EXD1: variants seen among roughly 807,000 people sequenced by gnomAD.
EXD1 encodes exonuclease 3'-5' domain containing 1, also known as piRNA biogenesis protein EXD1.
Under a neutral mutation model 49.1 loss-of-function variants are expected in EXD1, and 63 were observed. The ratio of observed to expected loss-of-function variants is 1.28; its 90% CI spans 1.05 to 1.58. The LOEUF (loss-of-function observed/expected upper bound fraction) is 1.58. Ranked by LOEUF, EXD1 falls within the 40% of genes most tolerant of loss-of-function variation. The pLI, the probability that EXD1 is intolerant of heterozygous loss-of-function variation, is 0.00. For missense variants in EXD1, 748 were observed against 666.0 expected, an observed-to-expected ratio of 1.12 and a Z score of -1.36; for synonymous variants, 234 against 239.2, an observed-to-expected ratio of 0.98 and a Z score of 0.20.
At chr15:41,186,470 C>CAAAAAAAAAAAAAAAAAAAAAAAAAA (rs58793050) in intron 11 of EXD1, among the ~76,000 whole-genome samples, 2 of 68,284 alleles carry the variant, frequency 2.9e-5, no homozygotes, top group Non-Finnish European at 5.5e-5. Context: ...GACTCTGTCT[C>CAAAAAAAAAAAAAAAAAAAAAAAAAA]AAAAAAAAAA....
intron 3 of EXD1, among the ~76,000 whole-genome samples, chr15:41,217,874 A>C (rs1189207781): frequency 6.6e-6 from 1 of 152,164 alleles, no homozygotes; most frequent in Non-Finnish European, 1.5e-5. Context: ...CTATGTTTCA[A>C]AAGTCTCTTT....
Position 41,189,877 on chromosome 15 carries a change from T to C in EXD1, c.1056+60A>G, listed in dbSNP as rs1388547756. ...CGCAGCTATGAAGAAAGGGTATCAC[T>C]GTGTCTGCCTTCCTTGAGAAGGCAG... On this transcript the variant is annotated intron_variant, in intron 11 of 11. Transcript: ENST00000458580. 2.0e-5 allele frequency: 31 copies of C among 1,530,572 alleles called. No homozygotes were observed. The African/African-American group carries it at 2.1e-4, about 10-fold the overall frequency. The allele number at this position is 1,530,572 out of a possible 1,614,324, so 94.8% of individuals were successfully genotyped here.
At chr15:41,210,416 G>A (rs1273092912) in intron 6 of EXD1, among the ~76,000 whole-genome samples, 6 of 152,218 alleles carry the variant, frequency 3.9e-5, no homozygotes, top group South Asian at 4.1e-4. Context: ...TAGTGGCTGG[G>A]CGCAGTGGCT....
Position 41,226,648 on chromosome 15 carries a change from A to T in EXD1, c.-53-20T>A. On this transcript the variant is annotated intron_variant, in intron 1 of 11. Transcript: ENST00000458580. ...CAAACACTTGAAAATTAATAAAGAG[A>T]TCTATGAATTTTAAAAGATTTTTTG... 6.8e-7 allele frequency: 1 copy of T among 1,460,152 alleles called. No individual in the cohort carries two copies. The allele number at this position is 1,460,152 out of a possible 1,614,324, so 90.4% of individuals were successfully genotyped here.
chr15:41,203,289 A>C lies in EXD1; in HGVS notation c.534+6212T>G, dbSNP rs960757456. Among the ~76,000 whole-genome samples the C allele has an allele frequency of 1.3e-5, 2 of 152,252 alleles. 1 individual carries two copies. Among genetic ancestry groups the C allele is most frequent in the South Asian group, 4.1e-4 (2 of 4,822 alleles). On this transcript the variant is annotated intron_variant, in intron 7 of 11. Coordinates refer to ENST00000458580, the MANE Select transcript of EXD1 (RefSeq NM_001286441.2). Reference sequence around the variant, plus strand: ...ATTCCTCTCCCACTGAGGACAGATCATGTATTCTCTGGATAAATCTAACCA... The same window carrying C: ...ATTCCTCTCCCACTGAGGACAGATCCTGTATTCTCTGGATAAATCTAACCA...
At chr15:41,206,827 G>A (rs1401300098) in intron 7 of EXD1, among the ~76,000 whole-genome samples, 5 of 140,286 alleles carry the variant, frequency 3.6e-5, no homozygotes, top group African/African-American at 1.3e-4. Flanking sequence ...TCACCACGTT[G>A]GCCAGGCTAG....
At chr15:41,203,390 C>T (rs1211531317) in intron 7 of EXD1, among the ~76,000 whole-genome samples, 1 of 152,172 alleles carries the variant, frequency 6.6e-6, no homozygotes, top group African/African-American at 2.4e-5. Flanking sequence ...TGAAAATCTG[C>T]ACACTGAATT....
chr15:41,223,756 T>C (rs1182410742), intron 2 of EXD1, among the ~76,000 whole-genome samples: 1 of 151,134 alleles, frequency 6.6e-6, no homozygotes, highest in Admixed American at 6.6e-5. Context: ...TCCCAGCTAC[T>C]TGGGAGTCTG....
At chr15:41,200,511 G>A (rs1467963226) in intron 7 of EXD1, among the ~76,000 whole-genome samples, 1 of 152,156 alleles carries the variant, frequency 6.6e-6, no homozygotes, top group Non-Finnish European at 1.5e-5. Context: ...GCAAGAAAGA[G>A]CAAGACTCTG....
At chr15:41,191,630 G>A (rs1469386099) in intron 9 of EXD1, 45 bp from the exon 10 acceptor site, 2 of 1,561,830 alleles carry the variant, frequency 1.3e-6, no homozygotes, top group Non-Finnish European at 1.8e-6. Context: ...AATATATACA[G>A]AGAGCTATCT....
chr15:41,198,837 C>G lies in EXD1; in HGVS notation c.535-2800G>C, dbSNP rs1232546625. The stretch of plus-strand genomic sequence containing the variant: ...TCTCCTGCCTCAGCCTCTCAAGTAG[C>G]TGGGATTACAGGTGCCTGCCACCAC... On this transcript the variant is annotated intron_variant, in intron 7 of 11. Coordinates refer to ENST00000458580, the MANE Select transcript of EXD1 (RefSeq NM_001286441.2). Among the ~76,000 whole-genome samples, 3 of 151,418 alleles carry G rather than the reference C, an allele frequency of 2.0e-5. No individual in the cohort carries two copies. In the Admixed American group the frequency reaches 2.0e-4, roughly 10 times the overall value.
chr15:41,201,909 T>C (rs557165144), intron 7 of EXD1, among the ~76,000 whole-genome samples: 9 of 152,080 alleles, frequency 5.9e-5, no homozygotes, highest in African/African-American at 1.7e-4. Context: ...TCTCAGCATA[T>C]TGGGAGGCTG....
intron 6 of EXD1, among the ~76,000 whole-genome samples, chr15:41,212,237 AAGG>A: frequency 6.6e-6 from 1 of 151,962 alleles, no homozygotes; most frequent in East Asian, 1.9e-4. Context: ...ATCACGAGGT[AAGG>A]AGATCGAGAA....
chr15:41,192,592 GCATTTTTTTTTTTTTTTTTTT>G (rs1171011436), intron 9 of EXD1, among the ~76,000 whole-genome samples: 2 of 86,148 alleles, frequency 2.3e-5, no homozygotes, highest in Admixed American at 1.4e-4. Flanking sequence ...ACTGCGCCAG[GCATTTTTTTTTTTTTTTTTTT>G]TTTTTTTTTT....
chr15:41,216,683 T>C lies in EXD1; in HGVS notation c.373A>G (p.Lys125Glu). ...CTATATTCACCTGATGGGCTGTACT[T>C]GAGGTCATTCAGCAGAGAGGTAGCT... The part of the protein sequence containing the change: ...APATSLLNDL[K>E]YSPSEEEEVT... Residue 125 changes from lysine (K) to glutamate (E), a missense_variant, in exon 5 of 12, where the codon AAG (lysine) becomes GAG (glutamate). Physicochemically the swap from Lys to Glu is moderately conservative, Grantham distance 56. Transcript: ENST00000458580. 6.2e-7 allele frequency: 1 copy of C among 1,613,016 alleles called. No homozygotes were observed. Among genetic ancestry groups the C allele is most frequent in the Non-Finnish European group, 8.5e-7 (1 of 1,179,950 alleles).
At chr15:41,185,570 G>A (rs190117311) in intron 11 of EXD1, among the ~76,000 whole-genome samples, 9 of 152,176 alleles carry the variant, frequency 5.9e-5, no homozygotes, top group African/African-American at 1.4e-4. Context: ...CTGAAGTACA[G>A]TGGTGTGATC....
At chr15:41,186,109 A>G (rs1417968691) in intron 11 of EXD1, among the ~76,000 whole-genome samples, 3 of 152,182 alleles carry the variant, frequency 2.0e-5, no homozygotes. Flanking sequence ...TCTCAAACAA[A>G]TATGCAGTCT....
intron 1 of EXD1, among the ~76,000 whole-genome samples, chr15:41,229,064 C>T (rs1032837106): frequency 5.9e-5 from 9 of 152,184 alleles, no homozygotes; most frequent in Admixed American, 5.2e-4. Context: ...TTTCCTATCA[C>T]AGCCATATTC....
At chr15:41,223,798 A>C (rs1388585225) in intron 2 of EXD1, among the ~76,000 whole-genome samples, 1 of 151,172 alleles carries the variant, frequency 6.6e-6, no homozygotes, top group Non-Finnish European at 1.5e-5. Context: ...CCGGGAGGCA[A>C]AGGTTCCAGT....
Sources: allele counts gnomAD v4.1 joint callset (sites outside exome capture counted in the v4.1 genomes callset), GRCh38; gene constraint gnomAD v4.1.1; transcripts MANE v1.5; gene names NCBI Gene and HGNC (gene_info 2026-07-23, HGNC 2026-07-21).